AQP10: variants seen among roughly 807,000 people sequenced by gnomAD.
AQP10 encodes aquaporin 10.
A neutral mutation model predicts 21.0 loss-of-function variants in AQP10; 15 were observed. The ratio of observed to expected loss-of-function variants is 0.71; its 90% CI spans 0.48 to 1.10. The LOEUF (loss-of-function observed/expected upper bound fraction) is 1.10, where lower values mean the gene tolerates loss of function less well. Ranked by LOEUF, AQP10 falls within the 50% of genes least tolerant of loss-of-function variation. The pLI, the probability that AQP10 is intolerant of heterozygous loss-of-function variation, is 0.00. For missense variants in AQP10, 268 were observed against 379.5 expected (o/e 0.71, Z 2.44); for synonymous variants, 143 against 155.7 (o/e 0.92, Z 0.61).
chr1:154,324,535 T>C lies in AQP10; in HGVS notation c.*55T>C. 2 of 1,550,694 alleles carry C rather than the reference T, an allele frequency of 1.3e-6. No individual in the cohort carries two copies. The highest frequency in any genetic ancestry group is 1.8e-6 in the Non-Finnish European group (2 of 1,136,738). On this transcript the variant is annotated 3_prime_UTR_variant, in exon 6 of 6. Coordinates refer to ENST00000324978, the MANE Select transcript of AQP10 (RefSeq NM_080429.3). The stretch of plus-strand genomic sequence containing the variant: ...CCTGGAGCCAGCCACTGACCCCGCC[T>C]GGGAACAACAGTCATTCTTCCTCTT...
intron 2 of AQP10, 133 bp downstream of exon 2, chr1:154,322,192 A>G (rs1685660584): frequency 2.9e-5 from 40 of 1,402,942 alleles, no homozygotes; most frequent in Non-Finnish European, 3.8e-5. Flanking sequence ...CCAGACTGAA[A>G]TAAGCCTTTG....
In AQP10 at chr1:154,323,501, G is replaced by T; in HGVS notation, c.490-88G>T. On this transcript the variant is annotated intron_variant, in intron 4 of 5. Coordinates refer to ENST00000324978, the MANE Select transcript of AQP10 (RefSeq NM_080429.3). The surrounding 1 kb of genome is among the most constrained non-coding windows in gnomAD (Gnocchi z 4.5). ...TCCCCAACTGCCTGTGTTGCACAAAGCCAGATGACATGGAATATTTGGATG... is the reference window on the plus strand; with the variant it reads ...TCCCCAACTGCCTGTGTTGCACAAATCCAGATGACATGGAATATTTGGATG... The T allele has an allele frequency of 6.5e-7, 1 of 1,531,526 alleles. No individual in the cohort carries two copies. The highest frequency in any genetic ancestry group is 8.9e-7 in the Non-Finnish European group (1 of 1,120,838). The allele number at this position is 1,531,526 out of a possible 1,614,324, so 94.9% of individuals were successfully genotyped here. A position where few individuals can be genotyped will look rare whatever the true frequency, so the allele number is the denominator to read the frequency against.
Position 154,324,537 on chromosome 1 carries a change from G to C in AQP10, c.*57G>C. On this transcript the variant is annotated 3_prime_UTR_variant, in exon 6 of 6. Transcript: ENST00000324978. The stretch of plus-strand genomic sequence containing the variant: ...TGGAGCCAGCCACTGACCCCGCCTG[G>C]GAACAACAGTCATTCTTCCTCTTTG... The C allele has an allele frequency of 1.3e-6, 2 of 1,539,122 alleles. No homozygotes were observed. Among genetic ancestry groups the C allele is most frequent in the Non-Finnish European group, 1.8e-6 (2 of 1,129,136 alleles).
At position 154,323,403 on chromosome 1, in the gene AQP10, T is replaced by C. The variant is rs906140914; in HGVS notation, c.489+44T>C. On this transcript the variant is annotated intron_variant, in intron 4 of 5. Transcript: ENST00000324978. The surrounding 1 kb of genome is among the most constrained non-coding windows in gnomAD (Gnocchi z 4.5). ...CCTGGGGACACTACTTTGGTCCTGT[T>C]CCTCGGCACCCCAGCCTATTGTTCA... The C allele has an allele frequency of 1.3e-6, 2 of 1,581,972 alleles. No homozygotes were observed. The highest frequency in any genetic ancestry group is 1.3e-5 in the African/African-American group (1 of 74,288).
intron 2 of AQP10, among the ~76,000 whole-genome samples, chr1:154,322,609 C>A (rs1685670495): frequency 6.6e-6 from 1 of 151,372 alleles, no homozygotes; most frequent in Non-Finnish European, 1.5e-5. Context: ...CGCGATTCTC[C>A]TGCCTCAGCA....
Position 154,323,713 on chromosome 1 carries a change from T to C in AQP10, c.614T>C (p.Met205Thr). The C allele has an allele frequency of 6.2e-7, 1 of 1,614,138 alleles. No individual in the cohort carries two copies. Among genetic ancestry groups the C allele is most frequent in the Non-Finnish European group, 8.5e-7 (1 of 1,180,022 alleles). The change falls in exon 5 of 6, where the codon ATG becomes ACG. Residue 205 changes from methionine (M) to threonine (T), a missense_variant. By Grantham distance (81) the Met-to-Thr change is moderately conservative. Coordinates refer to ENST00000324978, the MANE Select transcript of AQP10 (RefSeq NM_080429.3). The surrounding 1 kb of genome is among the most constrained non-coding windows in gnomAD (Gnocchi z 4.5). ...GMLILALGLS[M>T]GANCGIPLNP... ...CTGATCCTGGCCCTCGGGTTATCCA[T>C]GGGTGCCAACTGCGGGATTCCACTC...
chr1:154,322,666 T>C (rs1467424184), intron 2 of AQP10, among the ~76,000 whole-genome samples: 3 of 151,938 alleles, frequency 2.0e-5, no homozygotes, highest in African/African-American at 7.3e-5. Flanking sequence ...GCCTGGCTAA[T>C]ATTTGTGTTT....
chr1:154,323,089 G>A lies in AQP10; in HGVS notation c.340G>A (p.Ala114Thr). The A allele has an allele frequency of 6.2e-7, 1 of 1,614,184 alleles. No homozygotes were observed. Among genetic ancestry groups the A allele is most frequent in the South Asian group, 1.1e-5 (1 of 91,080 alleles). ...ILVQLLSAFC[A>T]SGATYVLYHD... ...GGTGCAGTTGCTGTCTGCTTTCTGTGCTTCGGGAGCCACCTATGTTCTCTA... is the reference window on the plus strand; with the variant it reads ...GGTGCAGTTGCTGTCTGCTTTCTGTACTTCGGGAGCCACCTATGTTCTCTA... Residue 114 changes from alanine (A) to threonine (T), a missense_variant, in exon 3 of 6, where the codon GCT (alanine) becomes ACT (threonine). Around this residue, in one of 3 missense-constraint regions of AQP10, gnomAD observed 229 missense variants for 295.1 expected, o/e 0.78. Transcript: ENST00000324978. This position sits in a 1 kb window ranked among gnomAD's most constrained non-coding sequence, Gnocchi z 4.5.
Position 154,324,267 on chromosome 1 carries a change from G to C in AQP10, c.708-15G>C. On this transcript the variant is annotated splice_polypyrimidine_tract_variant and intron_variant, in intron 5 of 5. Transcript: ENST00000324978. ...GAGTCACTCCTGATACCTTCCCACT[G>C]TCCTTCTTTTGCAGTGCTGGTAATG... The C allele has an allele frequency of 6.5e-7, 1 of 1,527,688 alleles. No individual in the cohort carries two copies. Among genetic ancestry groups the C allele is most frequent in the East Asian group, 2.3e-5 (1 of 43,998 alleles). 94.6% of individuals were successfully genotyped at this position (1,527,688 alleles called of 1,614,324 possible). A position where few individuals can be genotyped will look rare whatever the true frequency, so the allele number is the denominator to read the frequency against.
Position 154,323,184 on chromosome 1 carries a change from A to G in AQP10, c.371-57A>G, listed in dbSNP as rs943356980. 5.0e-6 allele frequency: 8 copies of G among 1,613,830 alleles called. No homozygotes were observed. The South Asian group carries it at 8.8e-5, about 18-fold the overall frequency. ...CTGTGGGTGGGCAGGGGTGCCTCAG[A>G]ATGGTTTTGGATGAATGAGCAAAGA... On this transcript the variant is annotated intron_variant, in intron 3 of 5. Coordinates refer to ENST00000324978, the MANE Select transcript of AQP10 (RefSeq NM_080429.3). The surrounding 1 kb of genome is among the most constrained non-coding windows in gnomAD (Gnocchi z 4.5).
In AQP10 at chr1:154,323,443, T is replaced by A; in HGVS notation, c.489+84T>A. 6.6e-7 allele frequency: 1 copy of A among 1,517,124 alleles called. No individual in the cohort carries two copies. Among genetic ancestry groups the A allele is most frequent in the Non-Finnish European group, 9.1e-7 (1 of 1,103,004 alleles). 94.0% of individuals were successfully genotyped at this position (1,517,124 alleles called of 1,614,324 possible). ...CCTATTGTTCAGTCTCTGGGTGGAG[T>A]GTGGGTTGGGTCTATCTTGGCACTC... On this transcript the variant is annotated intron_variant, in intron 4 of 5. Transcript: ENST00000324978. This position sits in a 1 kb window ranked among gnomAD's most constrained non-coding sequence, Gnocchi z 4.5.
chr1:154,324,179 G>T, intron 5 of AQP10, 103 bp from the exon 6 acceptor site: 1 of 1,232,786 alleles, frequency 8.1e-7, no homozygotes, highest in East Asian at 2.5e-5. Flanking sequence ...CTACCACCCT[G>T]GGAACAACTT....
At chr1:154,322,918 T>C (rs1013537859) in intron 2 of AQP10, 64 bp from the exon 3 acceptor site, 82 of 1,599,590 alleles carry the variant, frequency 5.1e-5, no homozygotes, top group Middle Eastern at 1.8e-4. Context: ...AGTAGTGTTG[T>C]CTGGTGACAA....
Position 154,324,778 on chromosome 1 carries a change from C to A in AQP10, c.*298C>A. 3.7e-6 allele frequency: 1 copy of A among 267,058 alleles called. No homozygotes were observed. The highest frequency in any genetic ancestry group is 7.2e-6 in the Non-Finnish European group (1 of 138,948). 16.5% of individuals were successfully genotyped at this position (267,058 alleles called of 1,614,324 possible). ...CCGCTAGAGGGTGCGCACCTGGATG[C>A]TGGATGGGGACGGCTGCGGGCATCT... On this transcript the variant is annotated 3_prime_UTR_variant, in exon 6 of 6. Coordinates refer to ENST00000324978, the MANE Select transcript of AQP10 (RefSeq NM_080429.3).
chr1:154,323,810 G>A lies in AQP10; in HGVS notation c.707+4G>A. Reference sequence around the variant, plus strand: ...GCTGGGGTCCTGAAGTCTTCAGGTGGGAGACAGACTCTCCTGGTGCTGGCC... The same window carrying A: ...GCTGGGGTCCTGAAGTCTTCAGGTGAGAGACAGACTCTCCTGGTGCTGGCC... On this transcript the variant is annotated splice_donor_region_variant and intron_variant, in intron 5 of 5. Coordinates refer to ENST00000324978, the MANE Select transcript of AQP10 (RefSeq NM_080429.3). This position sits in a 1 kb window ranked among gnomAD's most constrained non-coding sequence, Gnocchi z 4.5. 6.2e-7 allele frequency: 1 copy of A among 1,613,690 alleles called. No homozygotes were observed. The highest frequency in any genetic ancestry group is 8.5e-7 in the Non-Finnish European group (1 of 1,179,780).
chr1:154,324,491 C>T lies in AQP10; in HGVS notation c.*11C>T, dbSNP rs762160177. 6 of 1,611,114 alleles carry T rather than the reference C, an allele frequency of 3.7e-6. No homozygotes were observed. The South Asian group carries it at 6.6e-5, about 18-fold the overall frequency. On this transcript the variant is annotated 3_prime_UTR_variant, in exon 6 of 6. Coordinates refer to ENST00000324978, the MANE Select transcript of AQP10 (RefSeq NM_080429.3). ...GAGTGTAAGCTATGATTAGGACAAC[C>T]CTCACTTCACTCATGGACCCTGGAG...
At position 154,322,174 on chromosome 1, in the gene AQP10, A is replaced by C. The variant is rs750798688; in HGVS notation, c.232+115A>C. 2.6e-5 allele frequency: 38 copies of C among 1,482,542 alleles called. 1 individual carries two copies. In the Middle Eastern group the frequency reaches 1.6e-3, roughly 62 times the overall value. The allele number at this position is 1,482,542 out of a possible 1,614,324, so 91.8% of individuals were successfully genotyped here. ...TGACTCGTGGACATTATCCCCTTGAACAGTGTCCCAGACTGAAATAAGCCT... is the reference window on the plus strand; with the variant it reads ...TGACTCGTGGACATTATCCCCTTGACCAGTGTCCCAGACTGAAATAAGCCT... On this transcript the variant is annotated intron_variant, in intron 2 of 5. Coordinates refer to ENST00000324978, the MANE Select transcript of AQP10 (RefSeq NM_080429.3).
Position 154,324,479 on chromosome 1 carries a change from G to A in AQP10, c.905G>A (p.Ter302=). 6 of 1,612,788 alleles carry A rather than the reference G, an allele frequency of 3.7e-6. No individual in the cohort carries two copies. Among genetic ancestry groups the A allele is most frequent in the Non-Finnish European group, 5.1e-6 (6 of 1,179,610 alleles). The change falls in exon 6 of 6, where the codon TGA becomes TAA. Residue 302 remains the stop codon, a stop_retained_variant. Transcript: ENST00000324978. ...ASAQMLECKL[*] ...GCTCAGATGCTGGAGTGTAAGCTAT[G>A]ATTAGGACAACCCTCACTTCACTCA...
At chr1:154,322,602 G>A (rs1194609) in intron 2 of AQP10, among the ~76,000 whole-genome samples, 42,254 of 150,298 alleles carry the variant, frequency 0.28, 6,624 homozygotes, top group African/African-American at 0.43. Context: ...GGGTTCACGC[G>A]ATTCTCCTGC....
Sources: gnomAD v4.1 joint callset for allele counts (sites outside exome capture counted in the v4.1 genomes callset) on GRCh38, gnomAD v4.1.1 for gene constraint, gnomAD v4.1.1 regional missense constraint, Gnocchi (gnomAD v3.1) non-coding constraint, MANE v1.5 for transcripts, NCBI Gene and HGNC (gene_info 2026-07-23, HGNC 2026-07-21) for gene names.